The following TASP1 variants were observed in gnomAD, a reference collection of about 807,000 sequenced individuals.
TASP1 encodes the protein taspase 1, also known as threonine aspartase 1.
Under a neutral mutation model 56.6 loss-of-function variants are expected in TASP1, and 16 were observed. That is an observed-to-expected ratio of 0.28 (90% confidence interval 0.19 to 0.43). The LOEUF is 0.43. Among genes scored for constraint, TASP1 ranks in the 20% least tolerant of loss-of-function variants. The pLI is 1.00. For synonymous variants in TASP1, 179 were observed against 184.2 expected (o/e 0.97, Z 0.23); for missense variants, 393 against 511.6 (o/e 0.77, Z 2.24).
intron 6 of TASP1, 37 bp downstream of exon 6, chr20:13,580,860 T>C (rs745841812): frequency 1.3e-5 from 21 of 1,606,864 alleles, no homozygotes; most frequent in Admixed American, 3.4e-5. Context: ...AAAAATGCAC[T>C]AAAGACAGGG....
chr20:13,484,118 C>A (rs2043237867), intron 10 of TASP1, among the ~76,000 whole-genome samples: 1 of 152,180 alleles, frequency 6.6e-6, no homozygotes, highest in Non-Finnish European at 1.5e-5. Flanking sequence ...TACCATCTCA[C>A]ACCAGATAGA....
the TASP1 span, among the ~76,000 whole-genome samples, chr20:13,353,789 A>G: frequency 6.6e-6 from 1 of 152,218 alleles, no homozygotes; most frequent in Non-Finnish European, 1.5e-5. Context: ...TCCCTTACAT[A>G]TAAAGCTTTC....
At chr20:13,105,486 TG>T in the TASP1 span, among the ~76,000 whole-genome samples, 1 of 152,172 alleles carries the variant, frequency 6.6e-6, no homozygotes, top group Non-Finnish European at 1.5e-5. Context: ...TTTCATGTCT[TG>T]CGTGTTATTT....
At chr20:13,357,564 A>G in the TASP1 span, among the ~76,000 whole-genome samples, 1 of 152,222 alleles carries the variant, frequency 6.6e-6, no homozygotes, top group African/African-American at 2.4e-5. Flanking sequence ...TGGAAGATCA[A>G]TTACTCTGCA....
At chr20:13,199,785 G>A in the TASP1 span, among the ~76,000 whole-genome samples, 6 of 152,196 alleles carry the variant, frequency 3.9e-5, no homozygotes, top group Non-Finnish European at 8.8e-5. Context: ...CGGCCAGGAT[G>A]GTGCCCAAAT....
rs1014173818 is a variant in TASP1 at position 13,564,148 on chromosome 20, T to C, written c.569-5034A>G. Among the ~76,000 whole-genome samples the C allele has an allele frequency of 1.8e-4, 28 of 152,128 alleles. 1 individual carries two copies. The highest frequency in any genetic ancestry group is 6.5e-5 in the Admixed American group (1 of 15,282). On this transcript the variant is annotated intron_variant, in intron 7 of 13. Transcript: ENST00000337743. The stretch of plus-strand genomic sequence containing the variant: ...CAAATTGGAAAGGAGGAAATTATAC[T>C]TGATCTTATACTTGGAACATCCTAA...
intron 4 of TASP1, among the ~76,000 whole-genome samples, chr20:13,589,747 T>C (rs2047451952): frequency 6.6e-6 from 1 of 152,114 alleles, no homozygotes; most frequent in Non-Finnish European, 1.5e-5. Context: ...TTAAAAAAAT[T>C]CTACAGCTCT....
chr20:13,273,363 T>C, the TASP1 span, among the ~76,000 whole-genome samples: 1 of 151,926 alleles, frequency 6.6e-6, no homozygotes, highest in South Asian at 2.1e-4. Context: ...GCCTCCTGAG[T>C]AGCTGGGACT....
chr20:13,560,244 A>T (rs2046301688), intron 7 of TASP1, among the ~76,000 whole-genome samples: 1 of 152,222 alleles, frequency 6.6e-6, no homozygotes, highest in Admixed American at 6.5e-5. Context: ...TATCCACAGA[A>T]TATTCCTAAA....
chr20:13,325,119 C>T, the TASP1 span, among the ~76,000 whole-genome samples: 1 of 152,182 alleles, frequency 6.6e-6, no homozygotes. Flanking sequence ...GCCACTCGAC[C>T]TAAGTGACCA....
chr20:13,210,115 GTTATTT>G, the TASP1 span, among the ~76,000 whole-genome samples: 2 of 152,096 alleles, frequency 1.3e-5, no homozygotes, highest in African/African-American at 2.4e-5. Context: ...TTTGCATCTA[GTTATTT>G]TTTTCCATTA....
At chr20:13,301,884 G>A in the TASP1 span, among the ~76,000 whole-genome samples, 2 of 152,178 alleles carry the variant, frequency 1.3e-5, no homozygotes, top group Non-Finnish European at 1.5e-5. Flanking sequence ...TAAGCACAAA[G>A]TACTATGAAG....
chr20:13,304,595 G>A, the TASP1 span, among the ~76,000 whole-genome samples: 1 of 152,138 alleles, frequency 6.6e-6, no homozygotes, highest in Non-Finnish European at 1.5e-5. Context: ...CATCATCGTG[G>A]AGCCCAGTGA....
At chr20:13,456,743 A>G (rs1467205394) in intron 11 of TASP1, among the ~76,000 whole-genome samples, 1 of 152,098 alleles carries the variant, frequency 6.6e-6, no homozygotes, top group Admixed American at 6.6e-5. Context: ...GTCTTAATTT[A>G]TACAGGAGCA....
the TASP1 span, among the ~76,000 whole-genome samples, chr20:13,152,862 T>A: frequency 2.0e-5 from 3 of 152,180 alleles, no homozygotes; most frequent in African/African-American, 7.2e-5. Context: ...AGGGACCAGA[T>A]GACTATGATT....
At chr20:13,357,020 T>C in the TASP1 span, among the ~76,000 whole-genome samples, 1 of 152,202 alleles carries the variant, frequency 6.6e-6, no homozygotes, top group Non-Finnish European at 1.5e-5. Flanking sequence ...ATTTACTCTT[T>C]CATTCAAATG....
chr20:13,328,840 CT>C, the TASP1 span, among the ~76,000 whole-genome samples: 5 of 152,066 alleles, frequency 3.3e-5, no homozygotes, highest in African/African-American at 1.2e-4. Context: ...GGAAGAATAT[CT>C]AATGAATGCT....
the TASP1 span, among the ~76,000 whole-genome samples, chr20:13,305,990 G>A: frequency 6.6e-6 from 1 of 152,152 alleles, no homozygotes; most frequent in East Asian, 1.9e-4. Flanking sequence ...TAGCAAAGCT[G>A]GGTAAGAATT....
chr20:13,584,992 C>A (rs539402353), intron 5 of TASP1, among the ~76,000 whole-genome samples: 1 of 152,158 alleles, frequency 6.6e-6, no homozygotes, highest in East Asian at 1.9e-4. Flanking sequence ...ATATACAAAC[C>A]TTTTCAAAGA....
Sources: gnomAD v4.1 joint callset for allele counts (sites outside exome capture counted in the v4.1 genomes callset) on GRCh38, gnomAD v4.1.1 for gene constraint, MANE v1.5 for transcripts, NCBI Gene and HGNC (gene_info 2026-07-23, HGNC 2026-07-21) for gene names.